The following CBL variants were observed in gnomAD, a reference collection of about 807,000 sequenced individuals.
CBL encodes the protein Cbl proto-oncogene.
A neutral mutation model predicts 96.9 loss-of-function variants in CBL; 45 were observed. That is an observed-to-expected ratio of 0.46 (90% confidence interval 0.37 to 0.60). The LOEUF (loss-of-function observed/expected upper bound fraction) is 0.60. Among genes scored for constraint, CBL ranks in the 20% least tolerant of loss-of-function variants. CBL has a pLI of 0.00. For missense variants in CBL, 1,024 were observed against 1,143.5 expected, an observed-to-expected ratio of 0.90 and a Z score of 1.51; for synonymous variants, 420 against 426.8, an observed-to-expected ratio of 0.98 and a Z score of 0.20.
At chr11:119,298,608 G>GA (rs1427747316) in intron 15 of CBL, 68 bp downstream of exon 15, 8 of 1,349,570 alleles carry the variant, frequency 5.9e-6, no homozygotes, top group Non-Finnish European at 8.5e-6. Context: ...TATTGAAAGG[G>GA]AGATGACCTT....
intron 2 of CBL, among the ~76,000 whole-genome samples, chr11:119,237,716 ACT>A (rs1198201679): frequency 6.6e-6 from 1 of 151,740 alleles, no homozygotes; most frequent in African/African-American, 2.4e-5. Flanking sequence ...TTATTTCTGG[ACT>A]CTCAGTTTCA....
chr11:119,284,050 T>A lies in CBL; in HGVS notation c.1432-919T>A, dbSNP rs1039075089. On this transcript the variant is annotated intron_variant, in intron 9 of 15. Transcript: ENST00000264033. ...ACCTTAAAAAAATTTTTAGTTAAAA[T>A]TTTTTAGAGGGATCTCACTATGTTG... 3.3e-5 allele frequency among the ~76,000 whole-genome samples: 5 copies of A among 152,256 alleles called. 1 individual carries two copies. Among genetic ancestry groups the A allele is most frequent in the Admixed American group, 3.3e-4 (5 of 15,304 alleles).
In CBL at chr11:119,285,343, C is replaced by A. The variant is rs1249684522; in HGVS notation, c.1718C>A (p.Pro573His). The change falls in exon 11 of 16, where the codon CCC (proline) becomes CAC (histidine). Residue 573 changes from proline to histidine, a missense_variant. Coordinates refer to ENST00000264033, the MANE Select transcript of CBL (RefSeq NM_005188.4). Reference protein sequence around the residue: ...RPLPCTPGDCPSRDKLPPVPS... With the variant: ...RPLPCTPGDCHSRDKLPPVPS... ...TTGCCTTGTACACCAGGCGACTGTC[C>A]CTCCAGAGACAAACTGCCCCCTGTC... 1 of 1,614,034 alleles carries A rather than the reference C, an allele frequency of 6.2e-7. No individual in the cohort carries two copies. Among genetic ancestry groups the A allele is most frequent in the Non-Finnish European group, 8.5e-7 (1 of 1,180,030 alleles).
intron 2 of CBL, among the ~76,000 whole-genome samples, chr11:119,244,982 A>G (rs1476828726): frequency 1.3e-5 from 2 of 151,932 alleles, no homozygotes; most frequent in African/African-American, 4.8e-5. Context: ...AGCTGGGACT[A>G]CAGGCACACA....
chr11:119,224,446 A>C (rs1949439314), intron 1 of CBL, among the ~76,000 whole-genome samples: 1 of 152,158 alleles, frequency 6.6e-6, no homozygotes, highest in African/African-American at 2.4e-5. Flanking sequence ...ACTCCCTGCC[A>C]AAAGTTAACC....
At position 119,276,000 on chromosome 11, in the gene CBL, T is replaced by C. The variant is rs756526812; in HGVS notation, c.873T>C (p.Tyr291=). 2.4e-5 allele frequency: 38 copies of C among 1,614,088 alleles called. No individual in the cohort carries two copies. The Admixed American group carries it at 3.7e-4, about 16-fold the overall frequency. Residue 291 remains tyrosine (Y), a synonymous_variant, in exon 6 of 16, where the codon TAT becomes TAC. Coordinates refer to ENST00000264033, the MANE Select transcript of CBL (RefSeq NM_005188.4). ...TTCTGTTTATGTCTGTTCATAGTTA[T>C]ATCTTCCGGCTGAGCTGTACTCGTC... ...LQKFIHKPGS[Y]IFRLSCTRLG... is the part of the protein sequence containing the mutation.
At chr11:119,226,322 G>A (rs995832067) in intron 1 of CBL, among the ~76,000 whole-genome samples, 2 of 152,140 alleles carry the variant, frequency 1.3e-5, no homozygotes, top group Non-Finnish European at 2.9e-5. Flanking sequence ...CACTCAGATG[G>A]TGTGGAAATG....
In CBL at chr11:119,238,579, C is replaced by G. The variant is rs111627496; in HGVS notation, c.443+5884C>G. ...GTGTGGTGGTTCACACCTGTAATGC[C>G]AGCACTTTGGGAGGCCAAGGTAGGT... On this transcript the variant is annotated intron_variant, in intron 2 of 15. Coordinates refer to ENST00000264033, the MANE Select transcript of CBL (RefSeq NM_005188.4). Among the ~76,000 whole-genome samples, 1,154 of 152,074 alleles carry G rather than the reference C, an allele frequency of 7.6e-3. 16 individuals are homozygous for G. The highest frequency in any genetic ancestry group is 0.024 in the African/African-American group (984 of 41,498).
At chr11:119,223,723 T>C (rs1238581883) in intron 1 of CBL, among the ~76,000 whole-genome samples, 1 of 152,084 alleles carries the variant, frequency 6.6e-6, no homozygotes, top group African/African-American at 2.4e-5. Flanking sequence ...GCCTCCCAGG[T>C]TCAAGTGATT....
At chr11:119,235,983 T>C (rs1446174490) in intron 2 of CBL, among the ~76,000 whole-genome samples, 1 of 152,122 alleles carries the variant, frequency 6.6e-6, no homozygotes, top group Non-Finnish European at 1.5e-5. Context: ...TAGGGAAAAA[T>C]ATATAGGGTT....
intron 2 of CBL, among the ~76,000 whole-genome samples, chr11:119,239,401 T>A (rs966138932): frequency 2.6e-5 from 4 of 152,230 alleles, no homozygotes; most frequent in African/African-American, 9.6e-5. Flanking sequence ...TTGTTAATTT[T>A]AGGTTCATAT....
At chr11:119,245,956 CTTTTTTTTTTTTTTTTTTT>C (rs71048054) in intron 2 of CBL, among the ~76,000 whole-genome samples, 23 of 54,296 alleles carry the variant, frequency 4.2e-4, no homozygotes, top group East Asian at 3.2e-3. Context: ...CTTTGCAAAT[CTTTTTTTTTTTTTTTTTTT>C]TTTTTTTTTT....
chr11:119,272,271 G>T (rs1307852992), intron 3 of CBL, among the ~76,000 whole-genome samples: 4 of 152,198 alleles, frequency 2.6e-5, no homozygotes, highest in Admixed American at 6.5e-5. Flanking sequence ...ATAGGTGCCT[G>T]CCACCACGCC....
At chr11:119,285,166 T>C (rs1949971671) in intron 10 of CBL, 23 bp from the exon 11 acceptor site, 1 of 1,614,102 alleles carries the variant, frequency 6.2e-7, no homozygotes, top group East Asian at 2.2e-5. Flanking sequence ...TTTTACTGAT[T>C]TGCTTTCACC....
intron 1 of CBL, among the ~76,000 whole-genome samples, chr11:119,219,513 T>TA (rs1592371042): frequency 6.6e-6 from 1 of 151,978 alleles, no homozygotes; most frequent in East Asian, 1.9e-4. Context: ...ACAGAAACGT[T>TA]TTCTGATTGG....
intron 14 of CBL, among the ~76,000 whole-genome samples, 196 bp from the exon 15 acceptor site, chr11:119,298,162 A>G (rs1950076264): frequency 6.6e-6 from 1 of 152,242 alleles, no homozygotes; most frequent in Non-Finnish European, 1.5e-5. Flanking sequence ...CAAAAATGAA[A>G]GCTGCAGTGT....
intron 1 of CBL, among the ~76,000 whole-genome samples, chr11:119,207,820 TC>T (rs1446962942): frequency 1.3e-5 from 2 of 152,310 alleles, no homozygotes; most frequent in African/African-American, 4.8e-5. Flanking sequence ...TTTCTTTGGT[TC>T]CTCCCTGGGC....
In CBL at chr11:119,278,603, A is replaced by C. The variant is rs1296401101; in HGVS notation, c.1321A>C (p.Ser441Arg). 6.2e-7 allele frequency: 1 copy of C among 1,614,096 alleles called. No individual in the cohort carries two copies. Among genetic ancestry groups the C allele is most frequent in the Non-Finnish European group, 8.5e-7 (1 of 1,179,968 alleles). ...VDPFDPRGSG[S>R]LLRQGAEGAP... is the part of the protein sequence containing the mutation. ...TCCGTTTGATCCTAGAGGGAGTGGC[A>C]GCCTGTTGAGGCAAGGAGCAGAGGG... Residue 441 changes from serine to arginine, a missense_variant, in exon 9 of 16, where the codon AGC becomes CGC. This residue lies in a region of CBL where 695 missense variants were observed against 661.6 expected (regional missense o/e 1.05). Transcript: ENST00000264033.
intron 2 of CBL, among the ~76,000 whole-genome samples, chr11:119,252,626 C>A (rs1203107123): frequency 6.6e-6 from 1 of 151,988 alleles, no homozygotes; most frequent in Non-Finnish European, 1.5e-5. Context: ...GAGGCCGAGG[C>A]GGGTGGATCA....
Sources: gnomAD v4.1 joint callset for allele counts (sites outside exome capture counted in the v4.1 genomes callset) on GRCh38, gnomAD v4.1.1 for gene constraint, gnomAD v4.1.1 regional missense constraint, MANE v1.5 for transcripts, NCBI Gene and HGNC (gene_info 2026-07-23, HGNC 2026-07-21) for gene names.